Variants in LAMA5 observed in about 807,000 individuals in gnomAD.
LAMA5 encodes the protein laminin subunit alpha-5.
LAMA5 carries 260 observed loss-of-function variants against 433.4 expected under a neutral mutation model. The ratio of observed to expected loss-of-function variants is 0.60; its 90% CI spans 0.54 to 0.66. The LOEUF (loss-of-function observed/expected upper bound fraction) is 0.66. Among genes scored for constraint, LAMA5 ranks in the 30% least tolerant of loss-of-function variants. The probability of loss-of-function intolerance (pLI) is 0.00; values close to 1 mark genes in which losing one functional copy is unlikely to be tolerated. For synonymous variants in LAMA5, 2,620 were observed against 2,226.6 expected, an observed-to-expected ratio of 1.18 and a Z score of -4.97; for missense variants, 5,378 against 5,258.5, an observed-to-expected ratio of 1.02 and a Z score of -0.70.
Position 62,312,456 on chromosome 20 carries a change from C to G in LAMA5, c.9304G>C (p.Asp3102His), listed in dbSNP as rs1329831069. ...KGIKALGKYV[D>H]LKRLNTTGVS... ...CCTGTCGTGTTCAGCCGCTTGAGGT[C>G]CACATACTTGCCCAGGGCCTTGATG... Residue 3102 changes from aspartate to histidine, a missense_variant, in exon 68 of 80, where the codon GAC becomes CAC. Transcript: ENST00000252999. 6.3e-7 allele frequency: 1 copy of G among 1,598,110 alleles called. No individual in the cohort carries two copies. Among genetic ancestry groups the G allele is most frequent in the Non-Finnish European group, 8.5e-7 (1 of 1,179,614 alleles).
At chr20:62,352,437 C>T (rs1042047178) in intron 3 of LAMA5, 77 bp from the exon 4 acceptor site, 32 of 1,092,966 alleles carry the variant, frequency 2.9e-5, no homozygotes, top group Non-Finnish European at 4.3e-5. Context: ...GGCCCCTTGA[C>T]GTCTCCGGGC....
chr20:62,364,177 G>T (rs1004080815), intron 1 of LAMA5, among the ~76,000 whole-genome samples: 1 of 152,180 alleles, frequency 6.6e-6, no homozygotes, highest in Non-Finnish European at 1.5e-5. Flanking sequence ...CCCGCAGGCC[G>T]CACTGCAAGC....
chr20:62,312,471 G>A lies in LAMA5; in HGVS notation c.9289C>T (p.Leu3097=), dbSNP rs372078778. ...CGCTTGAGGTCCACATACTTGCCCA[G>A]GGCCTTGATGCCTTTGACGCAGCCA... The part of the protein sequence containing the change: ...VRGCVKGIKA[L]GKYVDLKRLN... Residue 3097 remains leucine, a synonymous_variant, in exon 68 of 80, where the codon CTG becomes TTG. Transcript: ENST00000252999. 198 of 1,598,298 alleles carry A rather than the reference G, an allele frequency of 1.2e-4. No individual in the cohort carries two copies. The highest frequency in any genetic ancestry group is 1.0e-4 in the Admixed American group (6 of 59,936).
intron 11 of LAMA5, among the ~76,000 whole-genome samples, chr20:62,338,966 G>T (rs922623577): frequency 6.6e-6 from 1 of 151,152 alleles, no homozygotes; most frequent in African/African-American, 2.4e-5. Context: ...GATCCTGGGA[G>T]GCGGAGGTTG....
At chr20:62,354,096 G>A (rs531411436) in intron 2 of LAMA5, among the ~76,000 whole-genome samples, 37 of 152,124 alleles carry the variant, frequency 2.4e-4, no homozygotes, top group Middle Eastern at 3.4e-3. Context: ...CTTTCTCCCC[G>A]TGTGTCAGCC....
chr20:62,336,603 G>A (rs753353865), intron 17 of LAMA5, 131 bp downstream of exon 17: 53 of 1,219,000 alleles, frequency 4.3e-5, no homozygotes, highest in Non-Finnish European at 5.3e-5. Context: ...CCAGCCTAAG[G>A]AGCAGACAGG....
At chr20:62,329,942 A>G in intron 31 of LAMA5, 26 bp from the exon 32 acceptor site, 3 of 1,606,328 alleles carry the variant, frequency 1.9e-6, no homozygotes, top group Non-Finnish European at 2.5e-6. Context: ...AGGCAGGGTC[A>G]GGCCCCCATC....
At chr20:62,320,396 A>G (rs1251751049) in intron 50 of LAMA5, among the ~76,000 whole-genome samples, 163 bp downstream of exon 50, 1 of 151,198 alleles carries the variant, frequency 6.6e-6, no homozygotes, top group Non-Finnish European at 1.5e-5. Context: ...TAGTTTAGAT[A>G]GTAATTCAGT....
Position 62,318,945 on chromosome 20 carries a change from G to A in LAMA5, c.6940C>T (p.Arg2314Trp), listed in dbSNP as rs201303962. 555 of 1,596,864 alleles carry A rather than the reference G, an allele frequency of 3.5e-4. 1 individual carries two copies. The Middle Eastern group carries it at 5.5e-3, about 16-fold the overall frequency. ...AGCCGCTCCACCTCGGCCAGTGTCC[G>A]GAGCAGCTGCTCACCTGATGGAGCC... ...ASAPSGEQLL[R>W]TLAEVERLLW... Residue 2314 changes from arginine (R) to tryptophan (W), a missense_variant, in exon 52 of 80, where the codon CGG becomes TGG. Arg to Trp is a moderately radical substitution (Grantham distance 101). Transcript: ENST00000252999.
intron 51 of LAMA5, 123 bp from the exon 52 acceptor site, chr20:62,319,136 C>T (rs977268935): frequency 2.2e-5 from 24 of 1,073,992 alleles, no homozygotes; most frequent in Admixed American, 8.9e-5. Flanking sequence ...GGAACCTGAG[C>T]GCACCTGGGT....
At position 62,327,509 on chromosome 20, in the gene LAMA5, C is replaced by T; in HGVS notation, c.4938+20G>A. 6.2e-7 allele frequency: 1 copy of T among 1,612,744 alleles called. No individual in the cohort carries two copies. Among genetic ancestry groups the T allele is most frequent in the African/African-American group, 1.3e-5 (1 of 75,070 alleles). On this transcript the variant is annotated intron_variant, in intron 37 of 79. Coordinates refer to ENST00000252999, the MANE Select transcript of LAMA5 (RefSeq NM_005560.6). ...TAAGACCTCCCCGAGAAGGCAATGC[C>T]CTCAGTCCTGCAGGCGCACCTCCTG...
At chr20:62,315,907 T>C in intron 58 of LAMA5, 41 bp downstream of exon 58, 1 of 1,452,908 alleles carries the variant, frequency 6.9e-7, no homozygotes, top group African/African-American at 1.4e-5. Context: ...CAGAGCCTCA[T>C]GGTCGGCCGG....
intron 43 of LAMA5, 34 bp from the exon 44 acceptor site, chr20:62,323,890 C>G (rs375863391): frequency 6.4e-7 from 1 of 1,571,504 alleles, no homozygotes; most frequent in Non-Finnish European, 8.7e-7. Flanking sequence ...CACTAGGCCC[C>G]TGGCAGTGCC....
intron 28 of LAMA5, among the ~76,000 whole-genome samples, chr20:62,331,473 C>T (rs1980446541): frequency 6.6e-6 from 1 of 152,124 alleles, no homozygotes; most frequent in African/African-American, 2.4e-5. Context: ...AGTTCCTGGG[C>T]CCACAGGCCT....
intron 76 of LAMA5, 32 bp from the exon 77 acceptor site, chr20:62,310,343 G>A (rs376799524): frequency 3.8e-6 from 6 of 1,577,066 alleles, no homozygotes; most frequent in South Asian, 2.4e-5. Flanking sequence ...GAGAAGAAAG[G>A]GGGGGCCCCT....
rs1282366284 is a variant in LAMA5, at chr20:62,333,972, T to C, written c.2807A>G (p.Asn936Ser). The C allele has an allele frequency of 5.0e-6, 8 of 1,612,830 alleles. No individual in the cohort carries two copies. The highest frequency in any genetic ancestry group is 3.3e-5 in the South Asian group (3 of 91,060). Residue 936 changes from asparagine (N) to serine (S), a missense_variant, in exon 23 of 80, where the codon AAC (asparagine) becomes AGC (serine). Physicochemically the swap from Asn to Ser is conservative, Grantham distance 46. Transcript: ENST00000252999. The stretch of plus-strand genomic sequence containing the variant: ...CCCGCTCACACTCATGGCCCCCCGG[T>C]TGACGTATCGGAAGACGAGCCAGAA... ...DLFWLVFRYV[N>S]RGAMSVSGRV...
intron 1 of LAMA5, among the ~76,000 whole-genome samples, chr20:62,365,915 G>A (rs1214466736): frequency 2.0e-5 from 3 of 152,120 alleles, no homozygotes; most frequent in Non-Finnish European, 4.4e-5. Context: ...CAGGCAGAGG[G>A]GGCGGGCCCA....
At chr20:62,327,720 C>G in intron 36 of LAMA5, 51 bp from the exon 37 acceptor site, 1 of 1,600,156 alleles carries the variant, frequency 6.2e-7, no homozygotes, top group Non-Finnish European at 8.5e-7. Flanking sequence ...GGTGCCTGAC[C>G]CCGGGTTCCT....
At chr20:62,317,106 G>GCCGTGC (rs1209977251) in intron 55 of LAMA5, 83 bp from the exon 56 acceptor site, 1 of 1,429,344 alleles carries the variant, frequency 7.0e-7, no homozygotes, top group East Asian at 2.4e-5. Flanking sequence ...CTCACAACCA[G>GCCGTGC]CCGTGCCCGT....
Sources: gnomAD v4.1 joint callset for allele counts (sites outside exome capture counted in the v4.1 genomes callset) on GRCh38, gnomAD v4.1.1 for gene constraint, MANE v1.5 for transcripts, NCBI Gene and HGNC (gene_info 2026-07-23, HGNC 2026-07-21) for gene names.